SCHIP1: variants seen among roughly 807,000 people sequenced by gnomAD.
The protein encoded by SCHIP1 is schwannomin interacting protein 1.
Under a neutral mutation model 29.7 loss-of-function variants are expected in SCHIP1, and 8 were observed. The ratio of observed to expected loss-of-function variants is 0.27; its 90% CI spans 0.16 to 0.49. SCHIP1 has a LOEUF of 0.49. SCHIP1 is among the 20% of genes least tolerant of loss of function. SCHIP1 has a pLI of 0.99. For synonymous variants in SCHIP1, 76 were observed against 94.9 expected (o/e 0.80, Z 1.16); for missense variants, 193 against 294.6 (o/e 0.66, Z 2.52).
At chr3:159,443,525 T>C in the SCHIP1 span, among the ~76,000 whole-genome samples, 56 of 152,278 alleles carry the variant, frequency 3.7e-4, no homozygotes, top group South Asian at 2.3e-3. Context: ...TCCCTTTTTT[T>C]TTGAGACGGA....
the SCHIP1 span, among the ~76,000 whole-genome samples, chr3:159,484,042 AAG>A: frequency 2.6e-5 from 4 of 152,218 alleles, no homozygotes; most frequent in African/African-American, 9.6e-5. Flanking sequence ...AGTGCAAACT[AAG>A]AGAGTTCCAA....
chr3:159,782,893 C>A, the SCHIP1 span, among the ~76,000 whole-genome samples: 1 of 152,170 alleles, frequency 6.6e-6, no homozygotes, highest in South Asian at 2.1e-4. Context: ...TCAACACACC[C>A]AGAGAGCTCT....
the SCHIP1 span, among the ~76,000 whole-genome samples, chr3:159,782,908 C>T: frequency 6.6e-6 from 1 of 152,172 alleles, no homozygotes; most frequent in Non-Finnish European, 1.5e-5. Flanking sequence ...AGCTCTCCTC[C>T]CAGAAGTCCT....
chr3:159,657,741 A>T, the SCHIP1 span, among the ~76,000 whole-genome samples: 11 of 152,252 alleles, frequency 7.2e-5, no homozygotes, highest in Non-Finnish European at 1.0e-4. Flanking sequence ...AATAAGTGCC[A>T]TCAATGGCGG....
At chr3:159,881,282 A>G (rs1414179368) in intron 2 of SCHIP1, among the ~76,000 whole-genome samples, 1 of 152,232 alleles carries the variant, frequency 6.6e-6, no homozygotes, top group African/African-American at 2.4e-5. Flanking sequence ...GATATAGTAT[A>G]AAAATATAGG....
the SCHIP1 span, among the ~76,000 whole-genome samples, chr3:159,558,127 G>C: frequency 6.6e-6 from 1 of 152,176 alleles, no homozygotes; most frequent in African/African-American, 2.4e-5. Context: ...CAGGTATCAA[G>C]AGTCAGAAGA....
At chr3:159,434,657 C>A in the SCHIP1 span, among the ~76,000 whole-genome samples, 280 of 152,254 alleles carry the variant, frequency 1.8e-3, no homozygotes, top group Non-Finnish European at 3.3e-3. Flanking sequence ...TTTCCCAAAT[C>A]TCTCCAGTAG....
chr3:159,493,287 A>G, the SCHIP1 span, among the ~76,000 whole-genome samples: 1 of 152,244 alleles, frequency 6.6e-6, no homozygotes, highest in South Asian at 2.1e-4. Context: ...AAATGCTCCA[A>G]TTAAAAAGCA....
At chr3:159,828,335 T>C in the SCHIP1 span, among the ~76,000 whole-genome samples, 1 of 146,780 alleles carries the variant, frequency 6.8e-6, no homozygotes, top group Non-Finnish European at 1.5e-5. Context: ...ATTGCAACTT[T>C]GGATGAATTA....
chr3:159,346,857 A>G, the SCHIP1 span, among the ~76,000 whole-genome samples: 2 of 152,182 alleles, frequency 1.3e-5, no homozygotes, highest in African/African-American at 4.8e-5. Context: ...TTTCCTCATT[A>G]ATAAATAAAA....
chr3:159,401,140 T>A, the SCHIP1 span: 2 of 973,818 alleles, frequency 2.1e-6, no homozygotes, highest in Non-Finnish European at 2.4e-6. Flanking sequence ...CTTGAAGGCC[T>A]CAAGTGTAAG....
the SCHIP1 span, among the ~76,000 whole-genome samples, chr3:159,706,053 G>A: frequency 6.6e-6 from 1 of 152,176 alleles, no homozygotes; most frequent in East Asian, 1.9e-4. Context: ...TAGGAGCTAT[G>A]TAGGAGCTTT....
the SCHIP1 span, among the ~76,000 whole-genome samples, chr3:159,815,873 C>A: frequency 6.6e-6 from 1 of 152,152 alleles, no homozygotes; most frequent in Non-Finnish European, 1.5e-5. Context: ...CCAGATGCCA[C>A]CCCCGTTCTG....
the SCHIP1 span, among the ~76,000 whole-genome samples, chr3:159,569,435 G>A: frequency 6.6e-6 from 1 of 152,104 alleles, no homozygotes; most frequent in African/African-American, 2.4e-5. Flanking sequence ...TTCTGTCCTT[G>A]TGATAGTTTG....
intron 6 of SCHIP1, chr3:159,894,362 G>C (rs1717852365): frequency 6.6e-6 from 1 of 152,188 alleles, no homozygotes; most frequent in Non-Finnish European, 1.5e-5. Flanking sequence ...TGTAAATCAG[G>C]ACTGTTCCCA....
the SCHIP1 span, among the ~76,000 whole-genome samples, chr3:159,301,863 A>C: frequency 3.3e-5 from 5 of 152,202 alleles, no homozygotes; most frequent in Non-Finnish European, 7.3e-5. Context: ...AGAACGGACT[A>C]ATACAGGAAC....
chr3:159,451,456 C>T, the SCHIP1 span, among the ~76,000 whole-genome samples: 2 of 152,192 alleles, frequency 1.3e-5, no homozygotes, highest in African/African-American at 4.8e-5. Flanking sequence ...TTGACATTTA[C>T]TTTGTCATTT....
the SCHIP1 span, among the ~76,000 whole-genome samples, chr3:159,341,434 T>G: frequency 6.6e-6 from 1 of 152,134 alleles, no homozygotes; most frequent in Non-Finnish European, 1.5e-5. Flanking sequence ...TTTGGGCAAA[T>G]TACCCCTCAT....
the SCHIP1 span, among the ~76,000 whole-genome samples, chr3:159,687,194 A>G: frequency 6.6e-6 from 1 of 152,156 alleles, no homozygotes; most frequent in African/African-American, 2.4e-5. Flanking sequence ...CTCAGACAGA[A>G]AGTAGGAGAA....
Sources: gnomAD v4.1 joint callset for allele counts (sites outside exome capture counted in the v4.1 genomes callset) on GRCh38, gnomAD v4.1.1 for gene constraint, MANE v1.5 for transcripts, NCBI Gene and HGNC (gene_info 2026-07-23, HGNC 2026-07-21) for gene names.